Variants in WIF1 observed in about 807,000 individuals in gnomAD.
WIF1 encodes Wnt inhibitory factor 1.
WIF1 carries 35 observed loss-of-function variants against 53.5 expected under a neutral mutation model. The observed-to-expected ratio is 0.65, with a 90% CI of 0.50 to 0.87. WIF1 has a LOEUF of 0.87. WIF1 is among the 40% of genes least tolerant of loss of function. The pLI, the probability that WIF1 is intolerant of heterozygous loss-of-function variation, is 0.00. For missense variants in WIF1, 467 were observed against 476.8 expected (o/e 0.98, Z 0.19); for synonymous variants, 171 against 170.4 (o/e 1.00, Z -0.03).
rs190722326 is a variant in WIF1, at chr12:65,120,205, C to T, written c.288+212G>A. ...CACTGAGTCTTATCAAAATAATGGG[C>T]TTAGGCACAAGGCTTGTTCTTTTCT... On this transcript the variant is annotated intron_variant, in intron 2 of 9. Coordinates refer to ENST00000286574, the MANE Select transcript of WIF1 (RefSeq NM_007191.5). Among the ~76,000 whole-genome samples the T allele has an allele frequency of 1.0e-3, 155 of 152,268 alleles. 1 individual carries two copies. Among genetic ancestry groups the T allele is most frequent in the African/African-American group, 3.6e-3 (150 of 41,574 alleles).
At chr12:65,061,716 G>T (rs1027782350) in intron 7 of WIF1, among the ~76,000 whole-genome samples, 8 of 152,146 alleles carry the variant, frequency 5.3e-5, no homozygotes, top group African/African-American at 1.9e-4. Flanking sequence ...ATATAGTAAA[G>T]GCATAGTGTG....
At chr12:65,106,722 A>G (rs991076988) in intron 2 of WIF1, among the ~76,000 whole-genome samples, 7 of 152,246 alleles carry the variant, frequency 4.6e-5, no homozygotes, top group Non-Finnish European at 8.8e-5. Flanking sequence ...AGAGACCACA[A>G]TTAATTGATA....
At chr12:65,107,111 T>TA (rs1380006177) in intron 2 of WIF1, among the ~76,000 whole-genome samples, 1 of 152,104 alleles carries the variant, frequency 6.6e-6, no homozygotes, top group African/African-American at 2.4e-5. Context: ...CCTGCAAGCT[T>TA]AAAAAAACAA....
chr12:65,063,966 G>T (rs1267091268), intron 6 of WIF1, among the ~76,000 whole-genome samples: 1 of 152,186 alleles, frequency 6.6e-6, no homozygotes, highest in Non-Finnish European at 1.5e-5. Context: ...ATGTGGAAGG[G>T]AGCTGTAGCA....
At position 65,077,753 on chromosome 12, in the gene WIF1, C is replaced by A; in HGVS notation, c.390G>T (p.Lys130Asn). 1 of 1,612,886 alleles carries A rather than the reference C, an allele frequency of 6.2e-7. No homozygotes were observed. Among genetic ancestry groups the A allele is most frequent in the Middle Eastern group, 1.7e-4 (1 of 6,052 alleles). ...CAGGCAAAGACCACCCACCTGATGC[C>A]TTGTGAGGCACTGTTCCCAGCAGAG... ...NVPLLGTVPH[K>N]ASVVQVGFPC... Residue 130 changes from lysine to asparagine, a missense_variant, in exon 3 of 10, where the codon AAG (lysine) becomes AAT (asparagine). Transcript: ENST00000286574.
chr12:65,115,883 G>A (rs1883501465), intron 2 of WIF1, among the ~76,000 whole-genome samples: 1 of 152,132 alleles, frequency 6.6e-6, no homozygotes, highest in African/African-American at 2.4e-5. Context: ...AAATTCTTTG[G>A]TCTCCATAGT....
intron 2 of WIF1, among the ~76,000 whole-genome samples, chr12:65,087,852 G>T (rs1320683420): frequency 6.6e-6 from 1 of 151,786 alleles, no homozygotes; most frequent in Admixed American, 6.6e-5. Flanking sequence ...GTAACCTCTT[G>T]GTTACAGATT....
At chr12:65,060,779 C>T (rs1357383520) in intron 7 of WIF1, among the ~76,000 whole-genome samples, 1 of 152,162 alleles carries the variant, frequency 6.6e-6, no homozygotes, top group Non-Finnish European at 1.5e-5. Context: ...CAACTCAAGA[C>T]CCATTTCCAT....
chr12:65,120,482 G>A lies in WIF1; in HGVS notation c.223C>T (p.Gln75Ter), dbSNP rs752486755. ...PFTHDFRKAQ[Q>*]RMPAIPVNIH... ...TTGACAGGAATAGCTGGCATTCTCTGTTGTGCTTTTCTGAAATCATGTGTA... is the reference window on the plus strand; with the variant it reads ...TTGACAGGAATAGCTGGCATTCTCTATTGTGCTTTTCTGAAATCATGTGTA... Residue 75 changes from glutamine (Q) to a stop codon, truncating the protein, a stop_gained, in exon 2 of 10, where the codon CAG becomes TAG. Transcript: ENST00000286574. LOFTEE classifies it high-confidence loss of function. 6.2e-7 allele frequency: 1 copy of A among 1,614,158 alleles called. No individual in the cohort carries two copies. The highest frequency in any genetic ancestry group is 8.5e-7 in the Non-Finnish European group (1 of 1,180,018).
intron 2 of WIF1, among the ~76,000 whole-genome samples, chr12:65,084,378 G>C (rs1565754902): frequency 6.6e-6 from 1 of 152,106 alleles, no homozygotes; most frequent in Non-Finnish European, 1.5e-5. Flanking sequence ...TCCACAGCCT[G>C]GTTCCTTTAT....
chr12:65,070,272 A>G (rs1275744054), intron 3 of WIF1, among the ~76,000 whole-genome samples: 2 of 152,174 alleles, frequency 1.3e-5, no homozygotes, highest in South Asian at 2.1e-4. Context: ...GAAACTTGAG[A>G]TTTTAACATT....
chr12:65,053,576 T>C (rs1222204772), intron 9 of WIF1, among the ~76,000 whole-genome samples: 1 of 152,182 alleles, frequency 6.6e-6, no homozygotes, highest in African/African-American at 2.4e-5. Context: ...GCCACGATTG[T>C]AAGTTTCCTG....
intron 2 of WIF1, chr12:65,083,677 T>TCATGTG: frequency 3.3e-6 from 1 of 299,126 alleles, no homozygotes; most frequent in Non-Finnish European, 6.4e-6. Flanking sequence ...ATGCCCATGC[T>TCATGTG]CATGTGCATG....
intron 9 of WIF1, among the ~76,000 whole-genome samples, chr12:65,052,799 C>T (rs1341820773): frequency 6.6e-6 from 1 of 152,166 alleles, no homozygotes; most frequent in Non-Finnish European, 1.5e-5. Flanking sequence ...TGTTTGGAGG[C>T]TGGCAGACCT....
intron 2 of WIF1, 24 bp from the exon 3 acceptor site, chr12:65,077,878 T>C (rs1882889060): frequency 6.4e-7 from 1 of 1,573,200 alleles, no homozygotes; most frequent in Non-Finnish European, 8.7e-7. Context: ...CACTGACAGT[T>C]AGTAACATGG....
At chr12:65,097,415 C>T (rs1883222295) in intron 2 of WIF1, among the ~76,000 whole-genome samples, 1 of 152,144 alleles carries the variant, frequency 6.6e-6, no homozygotes, top group Admixed American at 6.6e-5. Context: ...CTAGCCTCTA[C>T]CGTTCTAGGG....
At chr12:65,098,037 AG>A (rs2136633958) in intron 2 of WIF1, among the ~76,000 whole-genome samples, 1 of 152,324 alleles carries the variant, frequency 6.6e-6, no homozygotes, top group South Asian at 2.1e-4. Flanking sequence ...AATTAAGAGA[AG>A]GACAATAGCA....
chr12:65,089,732 C>T (rs145460262), intron 2 of WIF1, among the ~76,000 whole-genome samples: 114 of 152,270 alleles, frequency 7.5e-4, no homozygotes, highest in African/African-American at 2.6e-3. Flanking sequence ...CTTTGACTTA[C>T]CTCTCCAAGC....
intron 3 of WIF1, 116 bp downstream of exon 3, chr12:65,077,630 A>C: frequency 4.1e-6 from 3 of 730,692 alleles, no homozygotes; most frequent in Non-Finnish European, 6.9e-6. Context: ...TAAAATCAAC[A>C]GATGTCTTCA....
Sources: allele counts gnomAD v4.1 joint callset (sites outside exome capture counted in the v4.1 genomes callset), GRCh38; gene constraint gnomAD v4.1.1; transcripts MANE v1.5; gene names NCBI Gene and HGNC (gene_info 2026-07-23, HGNC 2026-07-21).